Variants in LTBP3 observed in about 807,000 individuals in gnomAD.
LTBP3 encodes the protein latent transforming growth factor beta binding protein 3, also known as latent-transforming growth factor beta-binding protein 3.
LTBP3 carries 97 observed loss-of-function variants against 159.7 expected under a neutral mutation model. The observed-to-expected ratio is 0.61, with a 90% CI of 0.52 to 0.72. LTBP3 has a LOEUF of 0.72. Among genes scored for constraint, LTBP3 ranks in the 30% least tolerant of loss-of-function variants. LTBP3 has a pLI of 0.00. For synonymous variants in LTBP3, 824 were observed against 777.1 expected (o/e 1.06, Z -1.00); for missense variants, 1,584 against 1,864.3 (o/e 0.85, Z 2.77).
rs1856856688 is a variant in LTBP3 at position 65,557,651 on chromosome 11, G to C, written c.309C>G (p.Leu103=). ...IGENGHSTDT[L]TGSGFRVVVC... ...CACCCACGCGGAAGCCGGAGCCCGT[G>C]AGCGTGTCTGTGCTGTGGCCGTTCT... The change falls in exon 1 of 28, where the codon CTC becomes CTG. Residue 103 remains leucine (L), a synonymous_variant. Transcript: ENST00000301873. The C allele has an allele frequency of 6.2e-7, 1 of 1,610,706 alleles. No homozygotes were observed. The highest frequency in any genetic ancestry group is 8.5e-7 in the Non-Finnish European group (1 of 1,179,896).
At chr11:65,542,975 T>C in intron 18 of LTBP3, 130 bp downstream of exon 18, 2 of 1,156,468 alleles carry the variant, frequency 1.7e-6, no homozygotes, top group Non-Finnish European at 2.4e-6. Context: ...GATGGATGGA[T>C]AGATGGATGG....
rs1235188570 is a variant in LTBP3 at position 65,553,313 on chromosome 11, C to T, written c.971-57G>A. The stretch of plus-strand genomic sequence containing the variant: ...GTGAGGAGGGAACTGGGGAGGGGCA[C>T]AGCAGATGTAGAGAGGAATCTGGTG... On this transcript the variant is annotated intron_variant, in intron 4 of 27. Transcript: ENST00000301873. This position sits in a 1 kb window ranked among gnomAD's most constrained non-coding sequence, Gnocchi z 6.5. 1.4e-6 allele frequency: 2 copies of T among 1,450,386 alleles called. No individual in the cohort carries two copies. 89.8% of individuals were successfully genotyped at this position (1,450,386 alleles called of 1,614,324 possible).
At position 65,553,638 on chromosome 11, in the gene LTBP3, G is replaced by A. The variant is rs1856693599; in HGVS notation, c.864+63C>T. 4.6e-6 allele frequency: 7 copies of A among 1,526,636 alleles called. No individual in the cohort carries two copies. Among genetic ancestry groups the A allele is most frequent in the Non-Finnish European group, 6.2e-6 (7 of 1,130,160 alleles). 94.6% of individuals were successfully genotyped at this position (1,526,636 alleles called of 1,614,324 possible). ...CGCCCCTCAGTTTTCTGCTATCCGA[G>A]TGAGTTGGGGCAGAGCAACCCTGAG... On this transcript the variant is annotated intron_variant, in intron 3 of 27. Transcript: ENST00000301873. The surrounding 1 kb of genome is among the most constrained non-coding windows in gnomAD (Gnocchi z 6.5).
chr11:65,545,668 G>A (rs1249830422), intron 16 of LTBP3: 10 of 228,826 alleles, frequency 4.4e-5, no homozygotes, highest in Admixed American at 4.0e-4. Flanking sequence ...TCCGCCCTAA[G>A]TCTCTGCAAC....
chr11:65,541,512 G>T (rs1309020544), intron 19 of LTBP3, 88 bp downstream of exon 19: 26 of 1,598,980 alleles, frequency 1.6e-5, no homozygotes, highest in Non-Finnish European at 2.0e-5. Flanking sequence ...CCCAAATTTA[G>T]GAGGGTGGGG....
In LTBP3 at chr11:65,547,378, C is replaced by CCA; in HGVS notation, c.2107+59_2107+60dup. On this transcript the variant is annotated intron_variant, in intron 14 of 27. Transcript: ENST00000301873. The surrounding 1 kb of genome is among the most constrained non-coding windows in gnomAD (Gnocchi z 4.6). The stretch of plus-strand genomic sequence containing the variant: ...AAAAAAAAATGCAGGCACCCCAGCC[C>CCA]CACCCCAGGTGGAGAGACAGCTAAG... 6.3e-7 allele frequency: 1 copy of CCA among 1,594,574 alleles called. No homozygotes were observed. The highest frequency in any genetic ancestry group is 1.7e-4 in the Middle Eastern group (1 of 6,000).
intron 11 of LTBP3, chr11:65,548,745 T>C (rs1308498561): frequency 1.3e-5 from 2 of 156,190 alleles, no homozygotes; most frequent in African/African-American, 4.8e-5. Flanking sequence ...GCCATAACAG[T>C]GAACTCTGCT....
In LTBP3 at chr11:65,539,231, T is replaced by C; in HGVS notation, c.3761A>G (p.Asp1254Gly). The C allele has an allele frequency of 6.6e-7, 1 of 1,526,528 alleles. No homozygotes were observed. 94.6% of individuals were successfully genotyped at this position (1,526,528 alleles called of 1,614,324 possible). A position where few individuals can be genotyped will look rare whatever the true frequency, so the allele number is the denominator to read the frequency against. The change falls in exon 28 of 28, where the codon GAT (aspartate) becomes GGT (glycine). Residue 1254 changes from aspartate (D) to glycine (G), a missense_variant and splice_region_variant. Asp to Gly is a moderately conservative substitution (Grantham distance 94). Transcript: ENST00000301873. Reference protein sequence around the residue: ...QLDASRARCVDIDECRELNQR... With the variant: ...QLDASRARCVGIDECRELNQR... ...GTTCAGCTCTCGGCACTCGTCGATA[T>C]CTGAAGGTGAGGGCGACAGGTGCGG...
Position 65,539,851 on chromosome 11 carries a change from C to T in LTBP3, c.3416G>A (p.Trp1139Ter). The change falls in exon 25 of 28, where the codon TGG becomes TAG. Residue 1139 changes from tryptophan (W) to a stop codon, truncating the protein, a stop_gained. Transcript: ENST00000301873. LOFTEE classifies it high-confidence loss of function. ...ERAPERRDVC[W>*]SQRGEDGMCA... ...CATGCCGTCCTCTCCGCGCTGGCTC[C>T]AGCACACGTCGCGCCGCTCCGGGGC... The T allele has an allele frequency of 6.6e-7, 1 of 1,520,946 alleles. No individual in the cohort carries two copies. The highest frequency in any genetic ancestry group is 8.8e-7 in the Non-Finnish European group (1 of 1,141,250). The allele number at this position is 1,520,946 out of a possible 1,614,324, so 94.2% of individuals were successfully genotyped here.
chr11:65,539,414 C>T lies in LTBP3; in HGVS notation c.3674G>A (p.Ser1225Asn), dbSNP rs141017996. ...EEDSDECRCV[S>N]GRCVPRPGGA... ...GCCCGGCCGCGGCACGCAGCGGCCA[C>T]TCACGCAGCGACACTCGTCTGAATC... is the stretch of plus-strand genomic sequence containing the variant. The change falls in exon 27 of 28, where the codon AGT (serine) becomes AAT (asparagine). Residue 1225 changes from serine to asparagine, a missense_variant. Physicochemically the swap from Ser to Asn is conservative, Grantham distance 46. Around this residue, in one of 6 missense-constraint regions of LTBP3, gnomAD observed 514 missense variants for 530.3 expected, o/e 0.97. Coordinates refer to ENST00000301873, the MANE Select transcript of LTBP3 (RefSeq NM_001130144.3). The T allele has an allele frequency of 2.5e-5, 39 of 1,550,892 alleles. No individual in the cohort carries two copies. The highest frequency in any genetic ancestry group is 3.3e-5 in the Non-Finnish European group (38 of 1,146,954).
Position 65,539,472 on chromosome 11 carries a change from G to T in LTBP3, c.3629-13C>A. On this transcript the variant is annotated splice_polypyrimidine_tract_variant and intron_variant, in intron 26 of 27. Transcript: ENST00000301873. ...GAACTGTCCTCATCTGCGTGGCCCGGAACAATATGGACTTCAACACTGAGC... is the reference window on the plus strand; with the variant it reads ...GAACTGTCCTCATCTGCGTGGCCCGTAACAATATGGACTTCAACACTGAGC... 1.3e-6 allele frequency: 2 copies of T among 1,577,262 alleles called. No individual in the cohort carries two copies. Among genetic ancestry groups the T allele is most frequent in the Non-Finnish European group, 1.7e-6 (2 of 1,161,454 alleles).
rs768130401 is a variant in LTBP3 at position 65,539,106 on chromosome 11, C to T, written c.3886G>A (p.Ala1296Thr). ...AGFARSRPHG[A>T]CVPQRRR ...CAGCGGCGGCGCTGGGGAACGCAGG[C>T]CCCGTGCGGGCGGCTGCGCGCGAAG... is the stretch of plus-strand genomic sequence containing the variant. The change falls in exon 28 of 28, where the codon GCC (alanine) becomes ACC (threonine). Residue 1296 changes from alanine to threonine, a missense_variant. Ala to Thr is a moderately conservative substitution (Grantham distance 58, BLOSUM62 0). Coordinates refer to ENST00000301873, the MANE Select transcript of LTBP3 (RefSeq NM_001130144.3). 5 of 1,462,708 alleles carry T rather than the reference C, an allele frequency of 3.4e-6. No individual in the cohort carries two copies. The highest frequency in any genetic ancestry group is 3.6e-6 in the Non-Finnish European group (4 of 1,105,080). The allele number at this position is 1,462,708 out of a possible 1,614,324, so 90.6% of individuals were successfully genotyped here.
intron 11 of LTBP3, among the ~76,000 whole-genome samples, chr11:65,550,487 A>G (rs529982386): frequency 1.4e-4 from 22 of 152,138 alleles, no homozygotes; most frequent in Non-Finnish European, 2.9e-4. Flanking sequence ...GGTTGTGATA[A>G]TAAGTAGGGT....
intron 21 of LTBP3, 121 bp from the exon 22 acceptor site, chr11:65,540,735 A>AG: frequency 1.4e-6 from 2 of 1,474,360 alleles, no homozygotes; most frequent in Non-Finnish European, 9.3e-7. Flanking sequence ...CGGGGCCTAC[A>AG]GGGCGGGGCC....
intron 18 of LTBP3, 22 bp from the exon 19 acceptor site, chr11:65,541,750 G>A (rs1856147784): frequency 1.2e-6 from 2 of 1,613,552 alleles, no homozygotes; most frequent in South Asian, 1.1e-5. Flanking sequence ...GAGTAGCGCA[G>A]CTGGAAACCC....
At position 65,549,567 on chromosome 11, in the gene LTBP3, CTTTTTTTTT is replaced by C. The variant is rs748132211; in HGVS notation, c.1721-1531_1721-1523del. On this transcript the variant is annotated intron_variant, in intron 11 of 27. Transcript: ENST00000301873. ...GCATGCACCACCACGCCCAGCTAAT[CTTTTTTTTT>C]TTTTTTTTTTTTTTTGGATTTTTAG... Among the ~76,000 whole-genome samples, 4 of 64,744 alleles carry C rather than the reference CTTTTTTTTT, an allele frequency of 6.2e-5. No homozygotes were observed. The East Asian group carries it at 1.5e-3, about 24-fold the overall frequency. 42.5% of individuals were successfully genotyped at this position (64,744 alleles called of 152,430 possible).
At position 65,551,319 on chromosome 11, in the gene LTBP3, G is replaced by A. The variant is rs948684; in HGVS notation, c.1621+83C>T. The A allele has an allele frequency of 5.7e-3, 8,813 of 1,553,462 alleles. 464 individuals are homozygous for A. In the African/African-American group the frequency reaches 0.11, roughly 19 times the overall value. On this transcript the variant is annotated intron_variant, in intron 10 of 27. Transcript: ENST00000301873. ...CCCGGCGCCCCACCCCAGCTTGACT[G>A]TCCCCGAGTACTTAAACTGTGAACT...
At chr11:65,539,938 G>A in intron 24 of LTBP3, 57 bp from the exon 25 acceptor site, 1 of 1,470,172 alleles carries the variant, frequency 6.8e-7, no homozygotes, top group Non-Finnish European at 9.0e-7. Context: ...GCCCGCCTCC[G>A]CCCCACCCCA....
intron 17 of LTBP3, 94 bp from the exon 18 acceptor site, chr11:65,543,318 C>A: frequency 3.1e-6 from 5 of 1,611,712 alleles, no homozygotes; most frequent in Middle Eastern, 3.5e-4. Context: ...CTGGGTCAGT[C>A]CCACGCCCCT....
Sources: allele counts gnomAD v4.1 joint callset (sites outside exome capture counted in the v4.1 genomes callset), GRCh38; gene constraint gnomAD v4.1.1; regional missense constraint gnomAD v4.1.1; non-coding constraint Gnocchi (gnomAD v3.1); transcripts MANE v1.5; gene names NCBI Gene and HGNC (gene_info 2026-07-23, HGNC 2026-07-21).